CTNNA3: variants seen among roughly 807,000 people sequenced by gnomAD.
CTNNA3 encodes catenin alpha-3.
A neutral mutation model predicts 95.7 loss-of-function variants in CTNNA3; 76 were observed. That is an observed-to-expected ratio of 0.79 (90% CI 0.66 to 0.96). CTNNA3 has a LOEUF of 0.96. Among genes scored for constraint, CTNNA3 ranks in the 40% least tolerant of loss-of-function variants. The pLI, the probability that CTNNA3 is intolerant of heterozygous loss-of-function variation, is 0.00. For synonymous variants in CTNNA3, 431 were observed against 374.4 expected (o/e 1.15, Z -1.74); for missense variants, 1,191 against 1,089.8 (o/e 1.09, Z -1.31).
At chr10:66,578,722 T>C (rs1843084194) in intron 10 of CTNNA3, among the ~76,000 whole-genome samples, 1 of 151,932 alleles carries the variant, frequency 6.6e-6, no homozygotes, top group Non-Finnish European at 1.5e-5. Flanking sequence ...AGTTTACTAG[T>C]ACTTCATTGA....
chr10:66,853,635 G>A (rs139141330), intron 7 of CTNNA3, among the ~76,000 whole-genome samples: 4 of 152,154 alleles, frequency 2.6e-5, no homozygotes, highest in Admixed American at 2.0e-4. Context: ...TCTCTAATAA[G>A]TACGAAGTGG....
At chr10:66,133,593 G>A (rs1369909549) in intron 13 of CTNNA3, among the ~76,000 whole-genome samples, 3 of 151,036 alleles carry the variant, frequency 2.0e-5, no homozygotes, top group Non-Finnish European at 1.5e-5. Flanking sequence ...AGAATATCCT[G>A]GAAAAAAAAA....
chr10:66,554,266 CT>C (rs894294185), intron 10 of CTNNA3, among the ~76,000 whole-genome samples: 2 of 151,986 alleles, frequency 1.3e-5, no homozygotes, highest in Non-Finnish European at 2.9e-5. Context: ...CTTTTTTCCC[CT>C]GAATACAGAT....
chr10:66,714,255 A>G (rs1196142871), intron 9 of CTNNA3, among the ~76,000 whole-genome samples: 1 of 152,150 alleles, frequency 6.6e-6, no homozygotes, highest in African/African-American at 2.4e-5. Context: ...AAAGTTCAGT[A>G]ATCCAGTTGT....
intron 7 of CTNNA3, among the ~76,000 whole-genome samples, chr10:67,089,721 G>GTC (rs1416595436): frequency 4.2e-5 from 6 of 143,026 alleles, no homozygotes; most frequent in Admixed American, 3.4e-4. Context: ...ATACATATGT[G>GTC]TGTGTGTGTG....
intron 13 of CTNNA3, among the ~76,000 whole-genome samples, chr10:66,187,600 G>C (rs765839115): frequency 6.6e-6 from 1 of 151,774 alleles, no homozygotes; most frequent in African/African-American, 2.4e-5. Flanking sequence ...GAGCTCCTCA[G>C]CAAAAGCTGG....
chr10:67,005,376 C>T (rs1207787981), intron 7 of CTNNA3, among the ~76,000 whole-genome samples: 16 of 152,098 alleles, frequency 1.1e-4, no homozygotes, highest in Non-Finnish European at 1.5e-5. Flanking sequence ...TTCCCCCAAG[C>T]AGACATTCTC....
intron 11 of CTNNA3, among the ~76,000 whole-genome samples, chr10:66,464,489 A>G (rs1274971742): frequency 2.6e-5 from 4 of 152,132 alleles, no homozygotes; most frequent in Non-Finnish European, 4.4e-5. Flanking sequence ...AGGGTTGGGC[A>G]CGGAGGCTCA....
At chr10:66,982,424 A>C (rs551580933) in intron 7 of CTNNA3, among the ~76,000 whole-genome samples, 3 of 152,326 alleles carry the variant, frequency 2.0e-5, no homozygotes, top group Non-Finnish European at 4.4e-5. Context: ...CTAACCAAGG[A>C]TAATGCATTC....
At chr10:66,461,282 T>C (rs1015044764) in intron 11 of CTNNA3, among the ~76,000 whole-genome samples, 1 of 152,050 alleles carries the variant, frequency 6.6e-6, no homozygotes, top group Non-Finnish European at 1.5e-5. Flanking sequence ...CCATGCTAGA[T>C]GAGCCCGAAA....
intron 5 of CTNNA3, among the ~76,000 whole-genome samples, chr10:67,265,063 G>A (rs1208039978): frequency 6.6e-6 from 1 of 152,094 alleles, no homozygotes; most frequent in African/African-American, 2.4e-5. Context: ...AGCTCTCTAA[G>A]TTGTGTTCCC....
intron 3 of CTNNA3, among the ~76,000 whole-genome samples, chr10:67,568,232 G>GC (rs538876750): frequency 6.9e-6 from 1 of 145,392 alleles, no homozygotes; most frequent in Non-Finnish European, 1.5e-5. Flanking sequence ...GCTACAGACT[G>GC]TTTTTTTTTT....
At chr10:65,966,811 A>T (rs540976986) in intron 16 of CTNNA3, 65 bp from the exon 17 acceptor site, 218 of 1,315,496 alleles carry the variant, frequency 1.7e-4, no homozygotes, top group Admixed American at 2.8e-4. Flanking sequence ...CAAGGTGAGT[A>T]AATACAGTAT....
At chr10:66,142,792 T>C (rs1303681506) in intron 13 of CTNNA3, among the ~76,000 whole-genome samples, 6 of 152,082 alleles carry the variant, frequency 3.9e-5, no homozygotes, top group African/African-American at 1.4e-4. Flanking sequence ...TGAATTCTAA[T>C]GCTATAGGTA....
intron 5 of CTNNA3, among the ~76,000 whole-genome samples, chr10:67,337,635 C>G (rs974112843): frequency 2.0e-5 from 3 of 152,040 alleles, no homozygotes; most frequent in Admixed American, 1.3e-4. Flanking sequence ...ATTAAAGTAA[C>G]AGCCAATTAA....
chr10:66,208,623 G>C lies in CTNNA3; in HGVS notation c.1884+71847C>G, dbSNP rs550058258. 2.4e-3 allele frequency among the ~76,000 whole-genome samples: 367 copies of C among 152,174 alleles called. 2 individuals carry two copies. The highest frequency in any genetic ancestry group is 8.5e-3 in the African/African-American group (355 of 41,536). ...GCTTGAAAGGAACTTAAAAAGAAGA[G>C]ATTTATATAAAAGTTTATAAATGGG... is the stretch of plus-strand genomic sequence containing the variant. On this transcript the variant is annotated intron_variant, in intron 13 of 17. Coordinates refer to ENST00000433211, the MANE Select transcript of CTNNA3 (RefSeq NM_013266.4).
chr10:67,513,325 C>T (rs1418358651), intron 5 of CTNNA3, among the ~76,000 whole-genome samples: 2 of 152,196 alleles, frequency 1.3e-5, no homozygotes, highest in Non-Finnish European at 2.9e-5. Context: ...AAGAAGTGGA[C>T]TTCACTGAAA....
intron 13 of CTNNA3, among the ~76,000 whole-genome samples, chr10:66,154,853 CT>C (rs1469650685): frequency 6.6e-6 from 1 of 150,660 alleles, no homozygotes; most frequent in Non-Finnish European, 1.5e-5. Flanking sequence ...CCTAGTACAG[CT>C]GTGGTAACCA....
intron 10 of CTNNA3, among the ~76,000 whole-genome samples, chr10:66,540,761 G>T (rs1025144150): frequency 2.6e-5 from 4 of 152,002 alleles, no homozygotes; most frequent in Admixed American, 6.6e-5. Context: ...GGGTCTAGGT[G>T]AGGGCTGACA....
Sources: gnomAD v4.1 joint callset for allele counts (sites outside exome capture counted in the v4.1 genomes callset) on GRCh38, gnomAD v4.1.1 for gene constraint, MANE v1.5 for transcripts, NCBI Gene and HGNC (gene_info 2026-07-23, HGNC 2026-07-21) for gene names.